Variants in EIF2B3 observed in about 807,000 individuals in gnomAD.
EIF2B3 encodes translation initiation factor eIF2B subunit gamma.
In EIF2B3, 20 loss-of-function variants were observed where a neutral mutation model predicts 54.1. The observed-to-expected ratio is 0.37, with a 90% CI of 0.26 to 0.54. EIF2B3 has a LOEUF of 0.54. EIF2B3 is among the 20% of genes least tolerant of loss of function. The pLI is 0.86. For missense variants in EIF2B3, 448 were observed against 547.8 expected, an observed-to-expected ratio of 0.82 and a Z score of 1.82; for synonymous variants, 153 against 188.1, an observed-to-expected ratio of 0.81 and a Z score of 1.52.
chr1:44,908,483 C>T (rs1303005676), intron 5 of EIF2B3, among the ~76,000 whole-genome samples: 6 of 152,040 alleles, frequency 3.9e-5, no homozygotes, highest in Non-Finnish European at 8.8e-5. Context: ...GAAGGATTAC[C>T]AGGAACGGTG....
At chr1:44,905,842 A>C (rs1323571069) in intron 5 of EIF2B3, among the ~76,000 whole-genome samples, 1 of 152,244 alleles carries the variant, frequency 6.6e-6, no homozygotes, top group Non-Finnish European at 1.5e-5. Flanking sequence ...TAACCATCAC[A>C]CAGACTAATG....
chr1:44,925,822 G>A (rs964734311), intron 5 of EIF2B3, among the ~76,000 whole-genome samples: 9 of 151,948 alleles, frequency 5.9e-5, no homozygotes, highest in Non-Finnish European at 1.3e-4. Flanking sequence ...TGCTTGGGAG[G>A]CTGAGGCAGG....
chr1:44,901,550 CTT>C (rs36059931), intron 5 of EIF2B3, among the ~76,000 whole-genome samples: 13,848 of 110,892 alleles, frequency 0.12, 514 homozygotes, highest in Non-Finnish European at 0.14. Context: ...TGGGCCTGGC[CTT>C]TTTTTTTTTT....
At chr1:44,894,710 C>CT (rs902071504) in intron 6 of EIF2B3, among the ~76,000 whole-genome samples, 61 of 152,148 alleles carry the variant, frequency 4.0e-4, no homozygotes, top group African/African-American at 1.3e-3. Context: ...TAGGTTTACT[C>CT]TTTCCTTTCC....
intron 1 of EIF2B3, among the ~76,000 whole-genome samples, chr1:44,985,630 CA>C (rs1327939223): frequency 1.3e-5 from 2 of 152,164 alleles, no homozygotes; most frequent in East Asian, 3.8e-4. Flanking sequence ...GAACCCAGGT[CA>C]CTAGGAACTG....
chr1:44,876,375 G>A (rs544159658), intron 8 of EIF2B3, among the ~76,000 whole-genome samples: 2 of 146,368 alleles, frequency 1.4e-5, no homozygotes, highest in South Asian at 4.5e-4. Context: ...TGGGATGTGA[G>A]GAGCGCCTCT....
At chr1:44,922,976 GCTGGGACTA>G (rs1271906397) in intron 5 of EIF2B3, among the ~76,000 whole-genome samples, 1 of 150,114 alleles carries the variant, frequency 6.7e-6, no homozygotes, top group Non-Finnish European at 1.5e-5. Context: ...CTCCCAAGTA[GCTGGGACTA>G]CAGGCACATA....
intron 3 of EIF2B3, among the ~76,000 whole-genome samples, chr1:44,966,564 G>A (rs1055645106): frequency 5.9e-5 from 9 of 151,928 alleles, no homozygotes; most frequent in African/African-American, 2.2e-4. Flanking sequence ...CAGATAAAAC[G>A]GCGATAAAGG....
intron 10 of EIF2B3, among the ~76,000 whole-genome samples, chr1:44,871,694 A>C (rs1654970229): frequency 6.6e-6 from 1 of 152,162 alleles, no homozygotes; most frequent in Admixed American, 6.5e-5. Flanking sequence ...AGTAAAGATA[A>C]GACTAAATAG....
chr1:44,931,735 T>C (rs1643898403), intron 4 of EIF2B3, among the ~76,000 whole-genome samples: 1 of 152,246 alleles, frequency 6.6e-6, no homozygotes, highest in Non-Finnish European at 1.5e-5. Flanking sequence ...AAAAAGCATC[T>C]GATAAAATTT....
intron 4 of EIF2B3, among the ~76,000 whole-genome samples, chr1:44,938,665 T>C (rs1052020684): frequency 2.1e-4 from 32 of 152,102 alleles, no homozygotes; most frequent in African/African-American, 7.5e-4. Flanking sequence ...TAAAAAATTG[T>C]TTGTAGAGAT....
chr1:44,877,220 A>AAAC (rs201496481), intron 8 of EIF2B3, among the ~76,000 whole-genome samples: 2 of 148,472 alleles, frequency 1.3e-5, no homozygotes, highest in Non-Finnish European at 3.0e-5. Flanking sequence ...AAAAAAAAAA[A>AAAC]AACACCTTAG....
chr1:44,885,738 T>C (rs1335442585), intron 6 of EIF2B3, among the ~76,000 whole-genome samples: 1 of 151,958 alleles, frequency 6.6e-6, no homozygotes, highest in Admixed American at 6.6e-5. Flanking sequence ...TAGGCAAAAC[T>C]GTGACTGTAA....
intron 7 of EIF2B3, among the ~76,000 whole-genome samples, chr1:44,880,778 C>A (rs1256052955): frequency 2.0e-5 from 3 of 151,938 alleles, no homozygotes; most frequent in African/African-American, 7.3e-5. Flanking sequence ...CTGGCTAACA[C>A]AGAGAAACCC....
intron 4 of EIF2B3, among the ~76,000 whole-genome samples, chr1:44,936,425 C>CA (rs35416105): frequency 0.043 from 5,739 of 133,414 alleles, 130 homozygotes; most frequent in Middle Eastern, 0.066. Context: ...ACTAAAAATA[C>CA]AAAAAAAAAA....
rs568205376 is a variant in EIF2B3, at chr1:44,899,566, T to G, written c.567-2122A>C. Among the ~76,000 whole-genome samples, 9 of 152,166 alleles carry G rather than the reference T, an allele frequency of 5.9e-5. No individual in the cohort carries two copies. The South Asian group carries it at 1.9e-3, about 32-fold the overall frequency. ...GACATACAGGCAGACAACAAACACATGAAGAAATGCTCAATATCACTAATC... is the reference window on the plus strand; with the variant it reads ...GACATACAGGCAGACAACAAACACAGGAAGAAATGCTCAATATCACTAATC... On this transcript the variant is annotated intron_variant, in intron 5 of 11. Coordinates refer to ENST00000360403, the MANE Select transcript of EIF2B3 (RefSeq NM_020365.5).
chr1:44,896,718 A>G lies in EIF2B3; in HGVS notation c.656+637T>C, dbSNP rs565402173. 1.2e-3 allele frequency among the ~76,000 whole-genome samples: 184 copies of G among 152,338 alleles called. 1 individual carries two copies. Among genetic ancestry groups the G allele is most frequent in the Middle Eastern group, 0.01 (3 of 294 alleles). On this transcript the variant is annotated intron_variant, in intron 6 of 11. Transcript: ENST00000360403. ...ACTGTAGCTGCTTTTCTTATAAAAA[A>G]TCCTTGAGATCAACTGCAAAAGGGG...
intron 3 of EIF2B3, among the ~76,000 whole-genome samples, chr1:44,953,092 C>T (rs1222208991): frequency 6.7e-6 from 1 of 149,370 alleles, no homozygotes; most frequent in Non-Finnish European, 1.5e-5. Context: ...TCACTCCCGT[C>T]AGTATAGAAC....
At chr1:44,958,612 T>G in intron 3 of EIF2B3, 1 of 1,504,164 alleles carries the variant, frequency 6.6e-7, no homozygotes, top group South Asian at 1.1e-5. Context: ...GGCATCAAAC[T>G]CTATGGCTAT....
Sources: gnomAD v4.1 joint callset for allele counts (sites outside exome capture counted in the v4.1 genomes callset) on GRCh38, gnomAD v4.1.1 for gene constraint, MANE v1.5 for transcripts, NCBI Gene and HGNC (gene_info 2026-07-23, HGNC 2026-07-21) for gene names.